Variants in EIF4E3 observed in about 807,000 individuals in gnomAD.
The protein encoded by EIF4E3 is eukaryotic translation initiation factor 4E family member 3, also known as eukaryotic translation initiation factor 4E type 3.
EIF4E3 carries 26 observed loss-of-function variants against 31.7 expected under a neutral mutation model. The ratio of observed to expected loss-of-function variants is 0.82; its 90% CI spans 0.60 to 1.14. The LOEUF (loss-of-function observed/expected upper bound fraction) is 1.14, where lower values mean the gene tolerates loss of function less well. Among genes scored for constraint, EIF4E3 ranks in the 50% most tolerant of loss-of-function variants. The pLI is 0.00. For missense variants in EIF4E3, 304 were observed against 270.9 expected (o/e 1.12, Z -0.86); for synonymous variants, 128 against 107.7 (o/e 1.19, Z -1.17).
In EIF4E3 at chr3:71,697,445, T is replaced by A. The variant is rs566767486; in HGVS notation, c.345-925A>T. Among the ~76,000 whole-genome samples the A allele has an allele frequency of 3.3e-5, 5 of 152,374 alleles. No individual in the cohort carries two copies. In the South Asian group the frequency reaches 1.0e-3, roughly 32 times the overall value. ...TTAGGAACATTCCAATTCTACTCTT[T>A]TAGTTATTTCAAAATACATAATAAA... On this transcript the variant is annotated intron_variant, in intron 3 of 6. Coordinates refer to ENST00000425534, the MANE Select transcript of EIF4E3 (RefSeq NM_001134651.2).
In EIF4E3 at chr3:71,681,014, A is replaced by G. The variant is rs192876324; in HGVS notation, c.*3668T>C. On this transcript the variant is annotated 3_prime_UTR_variant, in exon 7 of 7. Transcript: ENST00000425534. ...CTAATTTTCTCTCTTTGGGCATAAT[A>G]TTTGATGAAATATTTTCCATATCTC... The G allele has an allele frequency of 1.3e-5, 2 of 152,288 alleles. No homozygotes were observed. Among genetic ancestry groups the G allele is most frequent in the African/African-American group, 4.8e-5 (2 of 41,554 alleles). 9.4% of individuals were successfully genotyped at this position (152,288 alleles called of 1,614,324 possible). A position where few individuals can be genotyped will look rare whatever the true frequency, so the allele number is the denominator to read the frequency against.
chr3:71,663,711 C>T, the EIF4E3 span, among the ~76,000 whole-genome samples: 15 of 152,344 alleles, frequency 9.8e-5, no homozygotes, highest in East Asian at 1.9e-4. Flanking sequence ...GGAGACGTCC[C>T]GCCTGCCTGA....
intron 6 of EIF4E3, among the ~76,000 whole-genome samples, chr3:71,685,086 G>A (rs1023252113): frequency 2.0e-5 from 3 of 152,078 alleles, no homozygotes; most frequent in African/African-American, 7.2e-5. Flanking sequence ...CAGGGGGTGG[G>A]GAGAGGGGGT....
chr3:71,684,551 T>A lies in EIF4E3; in HGVS notation c.*131A>T. On this transcript the variant is annotated 3_prime_UTR_variant, in exon 7 of 7. Transcript: ENST00000425534. ...TGCCACTTTGAGTCCTAATTGCCCA[T>A]CTGCAAGGACAGAAACCCACTCTAA... 3.1e-6 allele frequency: 3 copies of A among 964,224 alleles called. No individual in the cohort carries two copies. The highest frequency in any genetic ancestry group is 3.1e-6 in the Non-Finnish European group (2 of 652,510). 59.7% of individuals were successfully genotyped at this position (964,224 alleles called of 1,614,324 possible).
upstream of EIF4E3, among the ~76,000 whole-genome samples, chr3:71,725,819 C>T (rs1226487216): frequency 6.6e-6 from 1 of 152,044 alleles, no homozygotes; most frequent in East Asian, 1.9e-4. This position sits in a 1 kb window ranked among gnomAD's most constrained non-coding sequence, Gnocchi z 6.1. Flanking sequence ...GCCCCAGACC[C>T]ACGTGGTGCG....
chr3:71,692,570 T>G (rs556762649), intron 5 of EIF4E3, among the ~76,000 whole-genome samples: 1 of 151,694 alleles, frequency 6.6e-6, no homozygotes, highest in Non-Finnish European at 1.5e-5. Flanking sequence ...TCTGTACTTA[T>G]AGACAAATTT....
At chr3:71,700,474 C>T (rs1159259259) in intron 2 of EIF4E3, among the ~76,000 whole-genome samples, 1 of 151,892 alleles carries the variant, frequency 6.6e-6, no homozygotes, top group African/African-American at 2.4e-5. Context: ...ATTAGCCAGG[C>T]GTGGTGCCAG....
chr3:71,661,231 T>C, the EIF4E3 span, among the ~76,000 whole-genome samples: 1 of 149,834 alleles, frequency 6.7e-6, no homozygotes, highest in South Asian at 2.1e-4. Context: ...AAGAAGAGGG[T>C]TGGGGGGCGG....
At chr3:71,731,058 ACT>A (rs2049701204) in intron 1 of EIF4E3, among the ~76,000 whole-genome samples, 1 of 151,742 alleles carries the variant, frequency 6.6e-6, no homozygotes, top group East Asian at 1.9e-4. Context: ...GGTGCCAGCC[ACT>A]CCCAGTCCTC....
chr3:71,696,229 C>G (rs145238602), intron 4 of EIF4E3, among the ~76,000 whole-genome samples: 3 of 152,218 alleles, frequency 2.0e-5, no homozygotes, highest in Admixed American at 1.3e-4. Context: ...CTCCTGCAGA[C>G]TGCATGATAC....
At chr3:71,715,164 C>T (rs575544859) in intron 1 of EIF4E3, among the ~76,000 whole-genome samples, 13 of 152,262 alleles carry the variant, frequency 8.5e-5, no homozygotes, top group African/African-American at 3.1e-4. Flanking sequence ...TAGAAGCCAA[C>T]GGTGCTGCTG....
intron 6 of EIF4E3, among the ~76,000 whole-genome samples, chr3:71,685,461 C>T (rs533303726): frequency 6.6e-6 from 1 of 152,268 alleles, no homozygotes; most frequent in East Asian, 1.9e-4. Flanking sequence ...CTCCCAGGTT[C>T]AAGCAATTCT....
At position 71,725,152 on chromosome 3, in the gene EIF4E3, C is replaced by T; in HGVS notation, c.176+40G>A. 1 of 1,046,130 alleles carries T rather than the reference C, an allele frequency of 9.6e-7. No homozygotes were observed. The allele number at this position is 1,046,130 out of a possible 1,614,324, so 64.8% of individuals were successfully genotyped here. A position where few individuals can be genotyped will look rare whatever the true frequency, so the allele number is the denominator to read the frequency against. The stretch of plus-strand genomic sequence containing the variant: ...ACAAAGCGGCGGTGGCGGCAGGACC[C>T]GGGTCGGGGCCGTGCGCGGCGGGCC... On this transcript the variant is annotated intron_variant, in intron 1 of 6. Transcript: ENST00000425534. The surrounding 1 kb of genome is among the most constrained non-coding windows in gnomAD (Gnocchi z 6.1).
chr3:71,684,913 G>A (rs980923228), intron 6 of EIF4E3, among the ~76,000 whole-genome samples, 185 bp from the exon 7 acceptor site: 7 of 152,032 alleles, frequency 4.6e-5, no homozygotes, highest in Admixed American at 1.3e-4. Context: ...CCTGAGAAAC[G>A]TAATAATGAA....
chr3:71,691,145 T>A (rs1443885857), intron 5 of EIF4E3, among the ~76,000 whole-genome samples: 1 of 152,226 alleles, frequency 6.6e-6, no homozygotes, highest in African/African-American at 2.4e-5. Context: ...CTCTGCACTT[T>A]CATAAACAGT....
At chr3:71,724,696 G>C (rs974301382) in intron 1 of EIF4E3, among the ~76,000 whole-genome samples, 1 of 152,208 alleles carries the variant, frequency 6.6e-6, no homozygotes, top group Non-Finnish European at 1.5e-5. Context: ...GGCCGGACAC[G>C]GGGTGGGAGC....
At chr3:71,715,127 G>C (rs1172544442) in intron 1 of EIF4E3, among the ~76,000 whole-genome samples, 1 of 152,202 alleles carries the variant, frequency 6.6e-6, no homozygotes, top group Non-Finnish European at 1.5e-5. Flanking sequence ...TGTCATAACC[G>C]AGGAGGTGCT....
Position 71,680,082 on chromosome 3 carries a change from A to T in EIF4E3, c.*4600T>A, listed in dbSNP as rs144869996. 1.3e-5 allele frequency: 2 copies of T among 152,314 alleles called. No individual in the cohort carries two copies. Among genetic ancestry groups the T allele is most frequent in the Non-Finnish European group, 2.9e-5 (2 of 68,030 alleles). The allele number at this position is 152,314 out of a possible 1,614,324, so 9.4% of individuals were successfully genotyped here. On this transcript the variant is annotated 3_prime_UTR_variant, in exon 7 of 7. Coordinates refer to ENST00000425534, the MANE Select transcript of EIF4E3 (RefSeq NM_001134651.2). The stretch of plus-strand genomic sequence containing the variant: ...CCATGACTGCTGTGGTCCCAGCCAT[A>T]AAGTTCTTATTCACGAGCATCATCT...
chr3:71,673,142 C>A (rs995437505), downstream of EIF4E3, among the ~76,000 whole-genome samples: 3 of 152,206 alleles, frequency 2.0e-5, no homozygotes. Context: ...GCTGAAAATG[C>A]ATAAGGTAGT....
Sources: allele counts gnomAD v4.1 joint callset (sites outside exome capture counted in the v4.1 genomes callset), GRCh38; gene constraint gnomAD v4.1.1; non-coding constraint Gnocchi (gnomAD v3.1); transcripts MANE v1.5; gene names NCBI Gene and HGNC (gene_info 2026-07-23, HGNC 2026-07-21).